The following GPC5 variants were observed in gnomAD, a reference collection of about 807,000 sequenced individuals.
The protein encoded by GPC5 is glypican 5, also known as glypican-5.
GPC5 carries 47 observed loss-of-function variants against 53.9 expected under a neutral mutation model. The ratio of observed to expected loss-of-function variants is 0.87; its 90% confidence interval spans 0.69 to 1.11. The LOEUF (loss-of-function observed/expected upper bound fraction) is 1.11, where lower values mean the gene tolerates loss of function less well. Among genes scored for constraint, GPC5 ranks in the 50% most tolerant of loss-of-function variants. The probability of loss-of-function intolerance (pLI) is 0.00; values close to 1 mark genes in which losing one functional copy is unlikely to be tolerated. For synonymous variants in GPC5, 286 were observed against 263.3 expected (o/e 1.09, Z -0.84); for missense variants, 748 against 713.1 (o/e 1.05, Z -0.56).
intron 7 of GPC5, among the ~76,000 whole-genome samples, chr13:92,850,416 A>G (rs545899380): frequency 2.0e-5 from 3 of 152,258 alleles, no homozygotes; most frequent in South Asian, 4.1e-4. Flanking sequence ...CATGGCCAAC[A>G]TGGTGAAACC....
chr13:91,511,485 G>C (rs188703979), intron 2 of GPC5, among the ~76,000 whole-genome samples: 1 of 151,888 alleles, frequency 6.6e-6, no homozygotes, highest in Non-Finnish European at 1.5e-5. Context: ...CCAATTACAA[G>C]TGTTTTACTG....
chr13:91,753,106 A>G (rs1037657508), intron 4 of GPC5, among the ~76,000 whole-genome samples: 2 of 152,210 alleles, frequency 1.3e-5, no homozygotes, highest in African/African-American at 4.8e-5. Flanking sequence ...TCTATGATTT[A>G]TGGCTGTGAA....
At chr13:92,744,397 G>T (rs1302753695) in intron 7 of GPC5, among the ~76,000 whole-genome samples, 3 of 151,778 alleles carry the variant, frequency 2.0e-5, no homozygotes, top group Non-Finnish European at 4.4e-5. Flanking sequence ...AGAGCGATTT[G>T]GAACTGAGGA....
chr13:92,784,850 C>T (rs577443888), intron 7 of GPC5, among the ~76,000 whole-genome samples: 63 of 152,218 alleles, frequency 4.1e-4, no homozygotes, highest in African/African-American at 1.5e-3. Flanking sequence ...ACAGCAAGCC[C>T]CAAACCATTA....
At chr13:92,252,798 A>C (rs2042701471) in intron 7 of GPC5, among the ~76,000 whole-genome samples, 2 of 152,170 alleles carry the variant, frequency 1.3e-5, no homozygotes, top group South Asian at 4.1e-4. Flanking sequence ...TAAGTTGCTG[A>C]GTTAACACTC....
chr13:91,636,819 A>G (rs1426707008), intron 2 of GPC5, among the ~76,000 whole-genome samples: 4 of 152,078 alleles, frequency 2.6e-5, no homozygotes, highest in African/African-American at 9.7e-5. Flanking sequence ...AAAATTAGGC[A>G]TGGTGGTGCG....
intron 7 of GPC5, among the ~76,000 whole-genome samples, chr13:92,531,488 G>C (rs1199762569): frequency 1.3e-5 from 2 of 150,280 alleles, no homozygotes; most frequent in African/African-American, 4.9e-5. Flanking sequence ...TTCATATAAA[G>C]AGATATATGT....
intron 6 of GPC5, among the ~76,000 whole-genome samples, chr13:91,935,266 A>G (rs1173777628): frequency 6.6e-6 from 1 of 151,964 alleles, no homozygotes; most frequent in Non-Finnish European, 1.5e-5. Flanking sequence ...TATGGTCTAA[A>G]TGTTTGTGTC....
intron 6 of GPC5, among the ~76,000 whole-genome samples, chr13:91,962,972 C>A (rs2040140288): frequency 6.6e-6 from 1 of 152,074 alleles, no homozygotes; most frequent in Admixed American, 6.6e-5. Context: ...ATTCCATGTG[C>A]CTTATTATTT....
chr13:92,328,324 T>C (rs1430168913), intron 7 of GPC5, among the ~76,000 whole-genome samples: 1 of 152,060 alleles, frequency 6.6e-6, no homozygotes, highest in South Asian at 2.1e-4. Context: ...TACAACCAGA[T>C]AGGGAGTTCC....
chr13:91,891,880 G>T (rs540497838), intron 5 of GPC5, among the ~76,000 whole-genome samples: 4 of 151,988 alleles, frequency 2.6e-5, no homozygotes, highest in Non-Finnish European at 4.4e-5. Flanking sequence ...GCTTATTAGA[G>T]TATTTTCCAT....
intron 2 of GPC5, among the ~76,000 whole-genome samples, chr13:91,617,580 A>G (rs1223321357): frequency 6.6e-6 from 1 of 152,102 alleles, no homozygotes; most frequent in Non-Finnish European, 1.5e-5. Flanking sequence ...ACTCTTGACA[A>G]GCAACTCTTT....
intron 7 of GPC5, among the ~76,000 whole-genome samples, chr13:92,678,147 T>G (rs1475305433): frequency 1.3e-5 from 2 of 152,190 alleles, no homozygotes; most frequent in African/African-American, 4.8e-5. Context: ...TATGTTTGTT[T>G]TATATCCAAC....
chr13:92,413,733 G>C (rs1456940322), intron 7 of GPC5, among the ~76,000 whole-genome samples: 3 of 152,168 alleles, frequency 2.0e-5, no homozygotes, highest in African/African-American at 7.2e-5. Flanking sequence ...AGATAAAGAG[G>C]CTGGGTCGAG....
At chr13:91,729,373 G>A (rs2036645944) in intron 4 of GPC5, among the ~76,000 whole-genome samples, 1 of 152,050 alleles carries the variant, frequency 6.6e-6, no homozygotes, top group Non-Finnish European at 1.5e-5. Context: ...TGTGTGTTTA[G>A]TTGACCAGTC....
intron 5 of GPC5, among the ~76,000 whole-genome samples, chr13:91,792,935 A>G (rs759334585): frequency 2.0e-5 from 3 of 152,290 alleles, no homozygotes; most frequent in Non-Finnish European, 2.9e-5. Context: ...CCTGAACAGT[A>G]GTGGGATCTA....
At chr13:92,670,473 T>C (rs140014976) in intron 7 of GPC5, among the ~76,000 whole-genome samples, 2 of 152,322 alleles carry the variant, frequency 1.3e-5, no homozygotes, top group African/African-American at 2.4e-5. Context: ...AGCTTGTGTT[T>C]TGAATGTATA....
intron 7 of GPC5, among the ~76,000 whole-genome samples, chr13:92,815,341 A>C (rs891378381): frequency 6.6e-6 from 1 of 152,000 alleles, no homozygotes; most frequent in African/African-American, 2.4e-5. Flanking sequence ...CAGAGAATAC[A>C]AAATAAGACA....
chr13:92,116,158 G>T (rs938449940), intron 6 of GPC5, among the ~76,000 whole-genome samples: 3 of 152,074 alleles, frequency 2.0e-5, no homozygotes, highest in Non-Finnish European at 4.4e-5. Context: ...GCTGAAGTGG[G>T]AGACCACTTG....
Sources: allele counts gnomAD v4.1 joint callset (sites outside exome capture counted in the v4.1 genomes callset), GRCh38; gene constraint gnomAD v4.1.1; transcripts MANE v1.5; gene names NCBI Gene and HGNC (gene_info 2026-07-23, HGNC 2026-07-21).